The following KAZN variants were observed in gnomAD, a reference collection of about 807,000 sequenced individuals.
The protein encoded by KAZN is kazrin.
KAZN carries 40 observed loss-of-function variants against 87.4 expected under a neutral mutation model. The observed-to-expected ratio is 0.46, with a 90% CI of 0.36 to 0.60. The LOEUF (loss-of-function observed/expected upper bound fraction) is 0.60, where lower values mean the gene tolerates loss of function less well. Ranked by LOEUF, KAZN falls within the 20% of genes least tolerant of loss-of-function variation. KAZN has a pLI of 0.00. For synonymous variants in KAZN, 466 were observed against 458.3 expected (o/e 1.02, Z -0.22); for missense variants, 898 against 1,073.9 (o/e 0.84, Z 2.29).
intron 1 of KAZN, among the ~76,000 whole-genome samples, chr1:14,045,401 T>C (rs1256659676): frequency 6.6e-6 from 1 of 152,202 alleles, no homozygotes; most frequent in Non-Finnish European, 1.5e-5. Context: ...TCAATTGACT[T>C]TGCTCAAATC....
intron 2 of KAZN, among the ~76,000 whole-genome samples, chr1:14,997,203 TC>T (rs1667968042): frequency 2.9e-5 from 2 of 68,914 alleles, no homozygotes; most frequent in South Asian, 1.1e-3. Context: ...TTTCTTTCTT[TC>T]ATTTATTTAT....
At chr1:14,826,949 C>A (rs907339105) in intron 1 of KAZN, among the ~76,000 whole-genome samples, 9 of 152,182 alleles carry the variant, frequency 5.9e-5, no homozygotes, top group Non-Finnish European at 1.3e-4. Context: ...TGGGGTTAGC[C>A]AAGCTCTCCG....
intron 2 of KAZN, among the ~76,000 whole-genome samples, chr1:14,237,932 T>C (rs1258320325): frequency 6.6e-6 from 1 of 152,220 alleles, no homozygotes; most frequent in African/African-American, 2.4e-5. Context: ...ATTTATAAAA[T>C]CAGGTACTAA....
intron 1 of KAZN, among the ~76,000 whole-genome samples, chr1:13,950,773 C>T (rs892503887): frequency 6.6e-6 from 1 of 152,154 alleles, no homozygotes; most frequent in Non-Finnish European, 1.5e-5. Flanking sequence ...CTATGTGCCT[C>T]CCATTGACTG....
At chr1:13,927,473 G>T (rs1482626600) in intron 1 of KAZN, among the ~76,000 whole-genome samples, 1 of 152,214 alleles carries the variant, frequency 6.6e-6, no homozygotes, top group Non-Finnish European at 1.5e-5. Flanking sequence ...GAATAGCTGG[G>T]CAAAGAACCA....
At chr1:14,709,568 G>A (rs573244808) in intron 1 of KAZN, among the ~76,000 whole-genome samples, 1 of 152,200 alleles carries the variant, frequency 6.6e-6, no homozygotes, top group South Asian at 2.1e-4. Context: ...CCAAGCAGAC[G>A]GTCCACCTAG....
chr1:14,767,476 G>A (rs1287947503), intron 1 of KAZN, among the ~76,000 whole-genome samples: 1 of 152,136 alleles, frequency 6.6e-6, no homozygotes, highest in African/African-American at 2.4e-5. Context: ...TTTCCCAGGG[G>A]ATTTTATTTA....
chr1:14,923,544 G>A lies in KAZN; in HGVS notation c.227-37140G>A, dbSNP rs1001833734. 2.6e-5 allele frequency among the ~76,000 whole-genome samples: 4 copies of A among 152,204 alleles called. No individual in the cohort carries two copies. The highest frequency in any genetic ancestry group is 4.4e-5 in the Non-Finnish European group (3 of 68,040). ...GGCAGCACTGATAATGGACAGTGGG[G>A]AATTACTAATGCCTAACTCATAGAT... On this transcript the variant is annotated intron_variant, in intron 1 of 14. Transcript: ENST00000376030. The surrounding 1 kb of genome is among the most constrained non-coding windows in gnomAD (Gnocchi z 4.2).
At chr1:14,335,646 A>C (rs1313148931) in intron 2 of KAZN, among the ~76,000 whole-genome samples, 3 of 152,174 alleles carry the variant, frequency 2.0e-5, no homozygotes, top group African/African-American at 7.2e-5. Flanking sequence ...TATGGCCTGC[A>C]AAACTGTGAG....
At chr1:14,304,187 T>G (rs978023058) in intron 2 of KAZN, among the ~76,000 whole-genome samples, 1 of 152,222 alleles carries the variant, frequency 6.6e-6, no homozygotes, top group Non-Finnish European at 1.5e-5. Flanking sequence ...ATGACATTCT[T>G]CAGTTCAGAA....
chr1:14,041,025 C>T (rs75033070), intron 1 of KAZN, among the ~76,000 whole-genome samples: 3,454 of 152,262 alleles, frequency 0.023, 154 homozygotes, highest in African/African-American at 0.08. Context: ...AGGCTTCTGA[C>T]GGAAAACAGC....
At chr1:15,000,998 G>A (rs1463658793) in intron 2 of KAZN, among the ~76,000 whole-genome samples, 3 of 145,088 alleles carry the variant, frequency 2.1e-5, no homozygotes, top group Non-Finnish European at 4.5e-5. Context: ...AGCTACTTAG[G>A]AGGCTGAGGC....
At chr1:15,018,030 T>A (rs1030908722) in intron 2 of KAZN, among the ~76,000 whole-genome samples, 3 of 152,104 alleles carry the variant, frequency 2.0e-5, no homozygotes, top group African/African-American at 7.2e-5. Flanking sequence ...CCCTCTGATC[T>A]CCCTGGCTTC....
At chr1:14,405,278 G>A (rs960455422) in intron 2 of KAZN, among the ~76,000 whole-genome samples, 1 of 152,194 alleles carries the variant, frequency 6.6e-6, no homozygotes. Flanking sequence ...GCCTGTTTGA[G>A]TTCAAATGTG....
At chr1:14,205,922 A>G (rs1374873690) in intron 2 of KAZN, among the ~76,000 whole-genome samples, 1 of 13,498 alleles carries the variant, frequency 7.4e-5, no homozygotes, top group Non-Finnish European at 1.1e-4. Flanking sequence ...CTAATGTTAA[A>G]TGACGAGTTT....
intron 2 of KAZN, among the ~76,000 whole-genome samples, chr1:14,464,331 T>C (rs1343801592): frequency 6.6e-6 from 1 of 152,202 alleles, no homozygotes; most frequent in East Asian, 1.9e-4. Flanking sequence ...GGTTTTTGCA[T>C]GAAATCTGAC....
At chr1:14,514,175 A>C (rs1283680682) in intron 2 of KAZN, among the ~76,000 whole-genome samples, 2 of 144,678 alleles carry the variant, frequency 1.4e-5, no homozygotes, top group East Asian at 4.1e-4. Flanking sequence ...ATACAAAAAA[A>C]TTAGCCAGGT....
chr1:14,929,993 G>T, intron 1 of KAZN: 1 of 985,592 alleles, frequency 1.0e-6, no homozygotes, highest in African/African-American at 1.7e-5. Flanking sequence ...CCCGTCATGT[G>T]CTGCAGTGGC....
At chr1:14,702,326 C>CTGTGTGTGTGTGTGTGTGTGTGTGTG (rs3222186) in intron 1 of KAZN, among the ~76,000 whole-genome samples, 4 of 133,368 alleles carry the variant, frequency 3.0e-5, no homozygotes, top group South Asian at 5.6e-4. Context: ...TTTTGCAAAA[C>CTGTGTGTGTGTGTGTGTGTGTGTGTG]TGTGTGTGTG....
Sources: gnomAD v4.1 joint callset for allele counts (sites outside exome capture counted in the v4.1 genomes callset) on GRCh38, gnomAD v4.1.1 for gene constraint, Gnocchi (gnomAD v3.1) non-coding constraint, MANE v1.5 for transcripts, NCBI Gene and HGNC (gene_info 2026-07-23, HGNC 2026-07-21) for gene names.